KCNH7: variants seen among roughly 807,000 people sequenced by gnomAD.
KCNH7 encodes potassium voltage-gated channel subfamily H member 7, also known as voltage-gated inwardly rectifying potassium channel KCNH7.
In KCNH7, 49 loss-of-function variants were observed where a neutral mutation model predicts 120.8. That is an observed-to-expected ratio of 0.41 (90% CI 0.32 to 0.51). The LOEUF (loss-of-function observed/expected upper bound fraction) is 0.51, where lower values mean the gene tolerates loss of function less well. Among genes scored for constraint, KCNH7 ranks in the 20% least tolerant of loss-of-function variants. The pLI is 0.38. For missense variants in KCNH7, 1,097 were observed against 1,446.6 expected, an observed-to-expected ratio of 0.76 and a Z score of 3.92; for synonymous variants, 547 against 516.1, an observed-to-expected ratio of 1.06 and a Z score of -0.81.
intron 6 of KCNH7, among the ~76,000 whole-genome samples, chr2:162,473,568 G>A (rs902227203): frequency 6.6e-6 from 1 of 152,072 alleles, no homozygotes; most frequent in African/African-American, 2.4e-5. Context: ...AATGAAGAAG[G>A]AGACTACATC....
At chr2:162,688,569 T>C (rs1404282474) in intron 2 of KCNH7, among the ~76,000 whole-genome samples, 1 of 152,092 alleles carries the variant, frequency 6.6e-6, no homozygotes, top group Non-Finnish European at 1.5e-5. Context: ...GAAATCTGCT[T>C]TCGAGTTGCA....
chr2:162,791,715 G>A (rs942447443), intron 2 of KCNH7, among the ~76,000 whole-genome samples: 1 of 152,098 alleles, frequency 6.6e-6, no homozygotes, highest in Non-Finnish European at 1.5e-5. Context: ...ATTGGATCAT[G>A]TCATCTGCAA....
intron 6 of KCNH7, among the ~76,000 whole-genome samples, chr2:162,472,074 T>C (rs7575397): frequency 0.073 from 11,071 of 152,032 alleles, 1,249 homozygotes; most frequent in African/African-American, 0.25. Context: ...TTACACCTTA[T>C]ACAAAAATTA....
chr2:162,602,965 T>A (rs958177291), intron 2 of KCNH7, among the ~76,000 whole-genome samples: 1 of 150,588 alleles, frequency 6.6e-6, no homozygotes, highest in Non-Finnish European at 1.5e-5. Flanking sequence ...TTTTTTTTGG[T>A]AATGTTTCTG....
At chr2:162,667,505 T>A (rs1398612592) in intron 2 of KCNH7, among the ~76,000 whole-genome samples, 1 of 152,204 alleles carries the variant, frequency 6.6e-6, no homozygotes, top group Non-Finnish European at 1.5e-5. Context: ...ATTCCTCTAC[T>A]CAACTCTTCA....
intron 2 of KCNH7, among the ~76,000 whole-genome samples, chr2:162,635,113 A>G (rs1203440332): frequency 6.6e-6 from 1 of 152,100 alleles, no homozygotes; most frequent in Non-Finnish European, 1.5e-5. Flanking sequence ...AAAAAGTTTT[A>G]TCATTCCAGA....
At chr2:162,376,579 G>A (rs186303117) in intron 14 of KCNH7, among the ~76,000 whole-genome samples, 1 of 152,166 alleles carries the variant, frequency 6.6e-6, no homozygotes, top group Admixed American at 6.5e-5. Context: ...GGCCAGGCTG[G>A]TCTCGAACTC....
intron 2 of KCNH7, among the ~76,000 whole-genome samples, chr2:162,762,704 AG>A (rs1339763686): frequency 3.3e-5 from 5 of 152,080 alleles, no homozygotes; most frequent in Admixed American, 2.0e-4. Context: ...TTTTAGTCAT[AG>A]TGTCAGTATA....
chr2:162,715,923 T>A (rs923406377), intron 2 of KCNH7, among the ~76,000 whole-genome samples: 1 of 150,742 alleles, frequency 6.6e-6, no homozygotes, highest in Non-Finnish European at 1.5e-5. Context: ...ACAGTATAGA[T>A]CTTTCCATCT....
At chr2:162,674,183 A>G (rs1372147403) in intron 2 of KCNH7, among the ~76,000 whole-genome samples, 1 of 151,870 alleles carries the variant, frequency 6.6e-6, no homozygotes, top group Non-Finnish European at 1.5e-5. Context: ...CTGAGTACAT[A>G]TTAATATAAA....
chr2:162,606,121 A>G (rs976580938), intron 2 of KCNH7, among the ~76,000 whole-genome samples: 1 of 152,148 alleles, frequency 6.6e-6, no homozygotes, highest in Non-Finnish European at 1.5e-5. Flanking sequence ...GGCTGATTAC[A>G]TAGTGGAAGA....
intron 6 of KCNH7, among the ~76,000 whole-genome samples, chr2:162,450,846 G>A (rs1048279653): frequency 2.6e-5 from 4 of 151,952 alleles, no homozygotes; most frequent in African/African-American, 4.8e-5. Flanking sequence ...TAGGACTTTG[G>A]TATGCCAGGA....
intron 2 of KCNH7, among the ~76,000 whole-genome samples, chr2:162,541,446 G>A (rs868408438): frequency 2.6e-5 from 4 of 152,060 alleles, no homozygotes; most frequent in Admixed American, 6.6e-5. Context: ...CAGCCTAAAT[G>A]CCCATCAGTG....
At chr2:162,804,674 A>C (rs1684471685) in intron 2 of KCNH7, among the ~76,000 whole-genome samples, 1 of 152,040 alleles carries the variant, frequency 6.6e-6, no homozygotes, top group Non-Finnish European at 1.5e-5. Flanking sequence ...CATACTGCCC[A>C]AAACCATCCA....
intron 9 of KCNH7, among the ~76,000 whole-genome samples, chr2:162,415,705 T>A (rs778401231): frequency 3.9e-4 from 60 of 152,232 alleles, no homozygotes; most frequent in Non-Finnish European, 6.8e-4. Context: ...TTAAAAAAAT[T>A]TATAAATCTC....
intron 2 of KCNH7, among the ~76,000 whole-genome samples, chr2:162,604,968 G>A (rs1694681858): frequency 6.6e-6 from 1 of 152,018 alleles, no homozygotes. Context: ...TCATCTACTT[G>A]TATTCAACAT....
At chr2:162,819,924 C>T (rs1199869041) in intron 2 of KCNH7, among the ~76,000 whole-genome samples, 3 of 151,002 alleles carry the variant, frequency 2.0e-5, no homozygotes, top group Non-Finnish European at 4.4e-5. Flanking sequence ...AGGAAAAATA[C>T]AATATTTTTC....
At chr2:162,445,303 C>T (rs1257141337) in intron 7 of KCNH7, among the ~76,000 whole-genome samples, 1 of 151,930 alleles carries the variant, frequency 6.6e-6, no homozygotes. Flanking sequence ...CAACCTATTC[C>T]CTTGGAACTA....
At chr2:162,817,268 C>T (rs552341925) in intron 2 of KCNH7, among the ~76,000 whole-genome samples, 1 of 152,230 alleles carries the variant, frequency 6.6e-6, no homozygotes, top group Admixed American at 6.5e-5. Flanking sequence ...ATTTATATCA[C>T]CATAGTTTAG....
Sources: allele counts gnomAD v4.1 joint callset (sites outside exome capture counted in the v4.1 genomes callset), GRCh38; gene constraint gnomAD v4.1.1; transcripts MANE v1.5; gene names NCBI Gene and HGNC (gene_info 2026-07-23, HGNC 2026-07-21).